The following PTPRD variants were observed in gnomAD, a reference collection of about 807,000 sequenced individuals.
PTPRD encodes receptor-type tyrosine-protein phosphatase delta.
In PTPRD, 34 loss-of-function variants were observed where a neutral mutation model predicts 214.5. The ratio of observed to expected loss-of-function variants is 0.16; its 90% CI spans 0.12 to 0.21. The LOEUF is 0.21. Ranked by LOEUF, PTPRD falls within the 10% of genes least tolerant of loss-of-function variation. The pLI is 1.00. For synonymous variants in PTPRD, 1,128 were observed against 845.7 expected, an observed-to-expected ratio of 1.33 and a Z score of -5.79; for missense variants, 2,545 against 2,398.7, an observed-to-expected ratio of 1.06 and a Z score of -1.27.
chr9:8,352,791 A>T (rs926552880), intron 39 of PTPRD, among the ~76,000 whole-genome samples: 12 of 152,202 alleles, frequency 7.9e-5, no homozygotes, highest in African/African-American at 2.7e-4. Context: ...CACAAATGCC[A>T]GGAGTTTTTT....
Position 8,484,129 on chromosome 9 carries a change from C to A in PTPRD, c.3403G>T (p.Glu1135Ter), listed in dbSNP as rs2135754960. 2 of 1,613,656 alleles carry A rather than the reference C, an allele frequency of 1.2e-6. No individual in the cohort carries two copies. Among genetic ancestry groups the A allele is most frequent in the South Asian group, 1.1e-5 (1 of 91,034 alleles). Reference protein sequence around the residue: ...TVQLPEVPANENIKGYYIIIV... With the variant: ...TVQLPEVPAN ...CTTCAATCAACTTACTTTATATTCT[C>A]ATTTGCAGGTACTTCAGGCAGTTGC... Residue 1135 changes from glutamate to a stop codon, truncating the protein, a stop_gained, in exon 30 of 46, where the codon GAG (glutamate) becomes TAG (stop). Transcript: ENST00000381196. LOFTEE classifies it high-confidence loss of function.
rs190043695 is a variant in PTPRD at position 8,703,984 on chromosome 9, T to C, written c.64+29796A>G. 1.3e-3 allele frequency among the ~76,000 whole-genome samples: 194 copies of C among 152,274 alleles called. 1 individual carries two copies. The highest frequency in any genetic ancestry group is 1.7e-3 in the Admixed American group (26 of 15,296). On this transcript the variant is annotated intron_variant, in intron 12 of 45. Transcript: ENST00000381196. The stretch of plus-strand genomic sequence containing the variant: ...GCTCTTAACACAAATCTGGGAGTCA[T>C]CCTTGACATTTCCTTATATACTCAC...
intron 7 of PTPRD, among the ~76,000 whole-genome samples, chr9:9,723,910 G>A (rs1466727497): frequency 1.3e-5 from 2 of 151,986 alleles, no homozygotes; most frequent in Admixed American, 1.3e-4. Context: ...TATTTAAGTA[G>A]ATTCCTTAGG....
chr9:9,205,212 A>C (rs947078377), intron 9 of PTPRD, among the ~76,000 whole-genome samples: 14 of 152,204 alleles, frequency 9.2e-5, no homozygotes, highest in Admixed American at 6.5e-5. Context: ...GTTGTTTTCA[A>C]GTGAATTCCC....
intron 5 of PTPRD, among the ~76,000 whole-genome samples, chr9:9,838,084 C>T (rs1199198954): frequency 2.0e-5 from 3 of 152,192 alleles, no homozygotes; most frequent in Admixed American, 6.5e-5. Context: ...CATGTCCCTA[C>T]AAAGGACATG....
Position 9,520,116 on chromosome 9 carries a change from C to T in PTPRD, c.-237+54616G>A, listed in dbSNP as rs552485724. Among the ~76,000 whole-genome samples, 7 of 151,390 alleles carry T rather than the reference C, an allele frequency of 4.6e-5. No individual in the cohort carries two copies. In the East Asian group the frequency reaches 1.4e-3, roughly 29 times the overall value. On this transcript the variant is annotated intron_variant, in intron 8 of 45. Transcript: ENST00000381196. ...TTGTACCTACTCGTACAAGAGATGA[C>T]AATGAAGTAAAAGTGTTCTCACCTC...
At chr9:9,174,872 C>T (rs2099923678) in intron 10 of PTPRD, among the ~76,000 whole-genome samples, 1 of 151,596 alleles carries the variant, frequency 6.6e-6, no homozygotes, top group Admixed American at 6.6e-5. Context: ...CTAGCTCACC[C>T]AAAATTCATA....
intron 10 of PTPRD, among the ~76,000 whole-genome samples, chr9:9,036,584 C>T (rs991660145): frequency 1.3e-5 from 2 of 151,998 alleles, no homozygotes; most frequent in African/African-American, 2.4e-5. Context: ...TAAAATGTAC[C>T]ATTTTAATGT....
intron 9 of PTPRD, among the ~76,000 whole-genome samples, chr9:9,369,015 G>T (rs975061458): frequency 6.6e-6 from 1 of 152,040 alleles, no homozygotes; most frequent in African/African-American, 2.4e-5. Flanking sequence ...TGCGGTGTTT[G>T]GTTTCTTGTC....
intron 4 of PTPRD, among the ~76,000 whole-genome samples, chr9:9,941,185 G>A (rs2091357224): frequency 6.6e-6 from 1 of 152,176 alleles, no homozygotes; most frequent in Non-Finnish European, 1.5e-5. Flanking sequence ...GCTACAGGAT[G>A]GACAAGCTTG....
chr9:8,833,131 G>A (rs1020084267), intron 11 of PTPRD, among the ~76,000 whole-genome samples: 1 of 152,186 alleles, frequency 6.6e-6, no homozygotes, highest in Non-Finnish European at 1.5e-5. Flanking sequence ...CTTACAGAGA[G>A]AAAGAAAAAA....
intron 7 of PTPRD, among the ~76,000 whole-genome samples, chr9:9,659,542 C>G (rs565273320): frequency 1.2e-3 from 186 of 151,760 alleles, no homozygotes; most frequent in Non-Finnish European, 2.0e-3. Context: ...TTTTTAAACC[C>G]CTGGGCATTC....
chr9:9,902,218 T>C (rs961268231), intron 5 of PTPRD, among the ~76,000 whole-genome samples: 7 of 152,164 alleles, frequency 4.6e-5, no homozygotes, highest in African/African-American at 1.4e-4. Context: ...TGCATGAATG[T>C]CTGTGCTCTC....
intron 8 of PTPRD, among the ~76,000 whole-genome samples, chr9:9,494,067 G>A (rs78912722): frequency 0.012 from 1,770 of 152,228 alleles, 43 homozygotes; most frequent in African/African-American, 0.04. Context: ...AACTTCCAAT[G>A]TGGTAGAAAT....
intron 2 of PTPRD, among the ~76,000 whole-genome samples, chr9:10,387,167 T>G (rs896814810): frequency 2.0e-5 from 3 of 151,848 alleles, no homozygotes; most frequent in Admixed American, 2.0e-4. Context: ...GCTCACCAAA[T>G]GTAAGGTAAT....
intron 2 of PTPRD, among the ~76,000 whole-genome samples, chr9:10,465,658 T>C (rs1167806778): frequency 2.0e-5 from 3 of 152,332 alleles, no homozygotes; most frequent in Non-Finnish European, 2.9e-5. Context: ...ATACCTACAC[T>C]GTGCTACAAT....
At chr9:10,602,886 G>C (rs1025774937) in intron 2 of PTPRD, among the ~76,000 whole-genome samples, 1 of 151,650 alleles carries the variant, frequency 6.6e-6, no homozygotes, top group African/African-American at 2.4e-5. Context: ...TGGCAGATGG[G>C]ACCCTGTTGA....
At chr9:8,594,620 G>C (rs534716429) in intron 14 of PTPRD, among the ~76,000 whole-genome samples, 1 of 152,046 alleles carries the variant, frequency 6.6e-6, no homozygotes, top group African/African-American at 2.4e-5. Context: ...ATGATAGTGA[G>C]TCCTCACAAG....
At chr9:10,385,266 A>G (rs1033999998) in intron 2 of PTPRD, among the ~76,000 whole-genome samples, 15 of 151,708 alleles carry the variant, frequency 9.9e-5, no homozygotes, top group Non-Finnish European at 2.2e-4. Context: ...TTCTGGTTAT[A>G]TATGCAGTGT....
Sources: allele counts gnomAD v4.1 joint callset (sites outside exome capture counted in the v4.1 genomes callset), GRCh38; gene constraint gnomAD v4.1.1; transcripts MANE v1.5; gene names NCBI Gene and HGNC (gene_info 2026-07-23, HGNC 2026-07-21).